CHN1: variants seen among roughly 807,000 people sequenced by gnomAD.
CHN1 encodes the protein chimerin 1.
Under a neutral mutation model 59.5 loss-of-function variants are expected in CHN1, and 37 were observed. The observed-to-expected ratio is 0.62, with a 90% confidence interval of 0.48 to 0.82. The LOEUF (loss-of-function observed/expected upper bound fraction) is 0.82. CHN1 is among the 40% of genes least tolerant of loss of function. The pLI, the probability that CHN1 is intolerant of heterozygous loss-of-function variation, is 0.00. For missense variants in CHN1, 469 were observed against 571.0 expected (o/e 0.82, Z 1.82); for synonymous variants, 206 against 200.4 (o/e 1.03, Z -0.24).
At chr2:174,876,278 T>C (rs1332236915) in intron 6 of CHN1, among the ~76,000 whole-genome samples, 2 of 152,248 alleles carry the variant, frequency 1.3e-5, no homozygotes, top group Non-Finnish European at 1.5e-5. Context: ...ACGTTCAGAA[T>C]GCATTAACAA....
chr2:174,986,689 T>A (rs1243955234), intron 1 of CHN1, among the ~76,000 whole-genome samples: 1 of 152,228 alleles, frequency 6.6e-6, no homozygotes, highest in African/African-American at 2.4e-5. Flanking sequence ...TGAAGACATT[T>A]ACAACGATCC....
chr2:174,981,774 T>C (rs961887962), intron 1 of CHN1, among the ~76,000 whole-genome samples: 3 of 152,166 alleles, frequency 2.0e-5, no homozygotes, highest in African/African-American at 7.2e-5. Context: ...AACTGTGAAG[T>C]ACAGTATCAA....
intron 7 of CHN1, among the ~76,000 whole-genome samples, chr2:174,845,227 GGTTTTTGCT>G (rs745920706): frequency 1.6e-4 from 25 of 152,152 alleles, no homozygotes; most frequent in Admixed American, 9.8e-4. Context: ...ATTCTTAGTA[GGTTTTTGCT>G]GTTTTTGCTG....
chr2:174,858,499 C>T (rs1333810067), intron 6 of CHN1, among the ~76,000 whole-genome samples: 1 of 152,172 alleles, frequency 6.6e-6, no homozygotes, highest in African/African-American at 2.4e-5. Flanking sequence ...TGTTAATTGT[C>T]CACTGTCCTG....
intron 11 of CHN1, among the ~76,000 whole-genome samples, chr2:174,803,036 CT>C (rs963337241): frequency 6.6e-6 from 1 of 151,764 alleles, no homozygotes; most frequent in African/African-American, 2.4e-5. Context: ...AAGAATCCAT[CT>C]TGGGGGGGAA....
chr2:174,828,597 A>C (rs1301370076), intron 7 of CHN1, among the ~76,000 whole-genome samples: 1 of 152,216 alleles, frequency 6.6e-6, no homozygotes. Flanking sequence ...ATCTGCAGAC[A>C]ATTTTGTTTA....
At chr2:174,830,102 G>A (rs369140008) in intron 7 of CHN1, among the ~76,000 whole-genome samples, 12 of 152,016 alleles carry the variant, frequency 7.9e-5, no homozygotes, top group South Asian at 2.1e-4. Flanking sequence ...GTGTGGTGGC[G>A]GGCACCTGTA....
At position 174,977,904 on chromosome 2, in the gene CHN1, A is replaced by T. The variant is rs144554885; in HGVS notation, c.20-25702T>A. Among the ~76,000 whole-genome samples the T allele has an allele frequency of 4.6e-5, 7 of 152,332 alleles. No individual in the cohort carries two copies. In the East Asian group the frequency reaches 1.3e-3, roughly 29 times the overall value. On this transcript the variant is annotated intron_variant, in intron 1 of 12. Coordinates refer to ENST00000409900, the MANE Select transcript of CHN1 (RefSeq NM_001822.7). Reference sequence around the variant, plus strand: ...TAAATCTGACTGGCTTTAAAATGAAAAAATAAATAAAATGTTTAAAAGATA... The same window carrying T: ...TAAATCTGACTGGCTTTAAAATGAATAAATAAATAAAATGTTTAAAAGATA...
chr2:174,926,994 G>C (rs546210156), intron 3 of CHN1, among the ~76,000 whole-genome samples: 1 of 152,014 alleles, frequency 6.6e-6, no homozygotes, highest in African/African-American at 2.4e-5. Flanking sequence ...TCCTGACCTC[G>C]TGATCTGCCC....
intron 1 of CHN1, among the ~76,000 whole-genome samples, chr2:174,985,861 CAG>C (rs1260201334): frequency 1.3e-5 from 2 of 152,078 alleles, no homozygotes; most frequent in Non-Finnish European, 2.9e-5. Flanking sequence ...TAAGGAAAAA[CAG>C]AGGAAACAAG....
chr2:174,942,075 C>G (rs1248960589), intron 3 of CHN1, among the ~76,000 whole-genome samples: 3 of 152,132 alleles, frequency 2.0e-5, no homozygotes, highest in African/African-American at 7.2e-5. Flanking sequence ...CAAATTAATA[C>G]AGCCATTATG....
chr2:174,805,827 C>G (rs1298625415), intron 11 of CHN1, among the ~76,000 whole-genome samples: 1 of 131,874 alleles, frequency 7.6e-6, no homozygotes. Flanking sequence ...GAAATACTAA[C>G]AAGTTCTCCT....
At chr2:174,928,098 G>C (rs1002654777) in intron 3 of CHN1, among the ~76,000 whole-genome samples, 1 of 152,124 alleles carries the variant, frequency 6.6e-6, no homozygotes, top group Non-Finnish European at 1.5e-5. Flanking sequence ...GGTATATTCC[G>C]AATTAAAGGC....
At chr2:174,996,965 T>C (rs1231938038) in intron 1 of CHN1, among the ~76,000 whole-genome samples, 1 of 152,180 alleles carries the variant, frequency 6.6e-6, no homozygotes, top group Non-Finnish European at 1.5e-5. Flanking sequence ...CCCGACATTG[T>C]GAGACAGGTA....
chr2:174,898,274 T>C (rs1688279753), intron 5 of CHN1, among the ~76,000 whole-genome samples: 3 of 151,938 alleles, frequency 2.0e-5, no homozygotes, highest in Admixed American at 2.0e-4. Context: ...ACTTTGAACA[T>C]GGGAGAAAAA....
intron 5 of CHN1, among the ~76,000 whole-genome samples, chr2:174,904,596 C>T (rs553253279): frequency 1.3e-5 from 2 of 152,236 alleles, no homozygotes; most frequent in African/African-American, 4.8e-5. Flanking sequence ...CCATGTCAGT[C>T]GGGCTGGTCT....
At chr2:174,869,499 C>T (rs1687334265) in intron 6 of CHN1, among the ~76,000 whole-genome samples, 1 of 101,732 alleles carries the variant, frequency 9.8e-6, no homozygotes, top group Non-Finnish European at 1.9e-5. Flanking sequence ...TAATAGAAAT[C>T]CTGGGGTCTG....
rs1044427475 is a variant in CHN1, at chr2:174,897,511, T to C, written c.260+17547A>G. The stretch of plus-strand genomic sequence containing the variant: ...AGACGTGTTTGTTCTATTGGCAGGA[T>C]AGTTAAAAAAAAAAAAAATCAAAAT... On this transcript the variant is annotated intron_variant, in intron 5 of 12. Transcript: ENST00000409900. Among the ~76,000 whole-genome samples the C allele has an allele frequency of 1.7e-4, 19 of 113,976 alleles. 1 individual carries two copies. Among genetic ancestry groups the C allele is most frequent in the African/African-American group, 5.0e-4 (13 of 25,812 alleles). 74.8% of individuals were successfully genotyped at this position (113,976 alleles called of 152,430 possible).
chr2:174,902,218 T>C (rs1688407143), intron 5 of CHN1, among the ~76,000 whole-genome samples: 1 of 152,200 alleles, frequency 6.6e-6, no homozygotes, highest in Non-Finnish European at 1.5e-5. Flanking sequence ...ACAATACAGT[T>C]CAATTTGCAA....
Sources: gnomAD v4.1 joint callset for allele counts (sites outside exome capture counted in the v4.1 genomes callset) on GRCh38, gnomAD v4.1.1 for gene constraint, MANE v1.5 for transcripts, NCBI Gene and HGNC (gene_info 2026-07-23, HGNC 2026-07-21) for gene names.